EPM2A: variants seen among roughly 807,000 people sequenced by gnomAD.
EPM2A encodes laforin.
A neutral mutation model predicts 26.5 loss-of-function variants in EPM2A; 21 were observed. The observed-to-expected ratio is 0.79, with a 90% CI of 0.56 to 1.14. The LOEUF is 1.14. Among genes scored for constraint, EPM2A ranks in the 50% most tolerant of loss-of-function variants. EPM2A has a pLI of 0.00. For missense variants in EPM2A, 458 were observed against 440.8 expected (o/e 1.04, Z -0.35); for synonymous variants, 217 against 177.6 (o/e 1.22, Z -1.76).
At chr6:145,675,350 A>G (rs1779954450) in intron 2 of EPM2A, among the ~76,000 whole-genome samples, 1 of 152,240 alleles carries the variant, frequency 6.6e-6, no homozygotes, top group African/African-American at 2.4e-5. Context: ...AGTAAAGACC[A>G]TCGATGCTAT....
chr6:145,465,768 T>A (rs982700098), intron 4 of EPM2A, among the ~76,000 whole-genome samples: 5 of 152,124 alleles, frequency 3.3e-5, no homozygotes, highest in African/African-American at 4.8e-5. Context: ...CAAAACAGCA[T>A]GGTACTGGTA....
intron 2 of EPM2A, among the ~76,000 whole-genome samples, chr6:145,603,349 A>T (rs150056835): frequency 4.6e-5 from 7 of 150,882 alleles, no homozygotes; most frequent in Admixed American, 4.6e-4. Flanking sequence ...AAGTAATTGG[A>T]TGAGAAGTTA....
At chr6:145,492,404 A>G (rs1779767151) in intron 4 of EPM2A, among the ~76,000 whole-genome samples, 1 of 151,940 alleles carries the variant, frequency 6.6e-6, no homozygotes. Context: ...GGCATGTGTT[A>G]TAGTGCTCTT....
rs1316554998 is a variant in EPM2A at position 145,664,048 on chromosome 6, C to T, written c.476+22074G>A. Among the ~76,000 whole-genome samples, 3 of 81,928 alleles carry T rather than the reference C, an allele frequency of 3.7e-5. 1 individual carries two copies. The highest frequency in any genetic ancestry group is 4.7e-5 in the Non-Finnish European group (2 of 42,742). 53.7% of individuals were successfully genotyped at this position (81,928 alleles called of 152,430 possible). The stretch of plus-strand genomic sequence containing the variant: ...ATCGAAAGGAAAAACCGGTACCAGC[C>T]GCTGCAAAATCATGCCAAAATGTAA... On this transcript the variant is annotated intron_variant, in intron 2 of 3. Coordinates refer to ENST00000367519, the MANE Select transcript of EPM2A (RefSeq NM_005670.4).
In EPM2A at chr6:145,686,192, T is replaced by C. The variant is rs746523076; in HGVS notation, c.406A>G (p.Thr136Ala). Residue 136 changes from threonine to alanine, a missense_variant, in exon 2 of 4, where the codon ACC (threonine) becomes GCC (alanine). Thr to Ala is a moderately conservative substitution (Grantham distance 58). Transcript: ENST00000367519. ...TCTGTTGTGTGCTTCATTTCATTGG[T>C]GTGCCCAGTGGCCTCAATCCAGTGT... Reference protein sequence around the residue: ...IGHWIEATGHTNEMKHTTDFY... With the variant: ...IGHWIEATGHANEMKHTTDFY... 2.5e-6 allele frequency: 4 copies of C among 1,613,944 alleles called. No individual in the cohort carries two copies. Among genetic ancestry groups the C allele is most frequent in the East Asian group, 2.2e-5 (1 of 44,870 alleles).
At chr6:145,695,980 T>C (rs1781550584) in intron 1 of EPM2A, among the ~76,000 whole-genome samples, 1 of 152,020 alleles carries the variant, frequency 6.6e-6, no homozygotes, top group Non-Finnish European at 1.5e-5. Flanking sequence ...TACACATTCT[T>C]CCCAAATATA....
At chr6:145,716,792 A>G (rs1775651913) in intron 1 of EPM2A, among the ~76,000 whole-genome samples, 1 of 152,102 alleles carries the variant, frequency 6.6e-6, no homozygotes, top group Non-Finnish European at 1.5e-5. Context: ...ATTTTAATAA[A>G]ATCAGCCTTT....
At chr6:145,693,938 A>C (rs1341397345) in intron 1 of EPM2A, among the ~76,000 whole-genome samples, 1 of 151,974 alleles carries the variant, frequency 6.6e-6, no homozygotes, top group African/African-American at 2.4e-5. Flanking sequence ...AATTAAAGCC[A>C]CAGAAATAAG....
intron 4 of EPM2A, among the ~76,000 whole-genome samples, chr6:145,441,165 C>T (rs935698774): frequency 6.6e-6 from 1 of 152,182 alleles, no homozygotes; most frequent in Admixed American, 6.5e-5. Context: ...TTTCATGCAC[C>T]CACAGGCTCA....
chr6:145,422,968 G>A (rs1036759871), intron 4 of EPM2A, among the ~76,000 whole-genome samples: 1 of 151,514 alleles, frequency 6.6e-6, no homozygotes, highest in Non-Finnish European at 1.5e-5. Context: ...ATATATATTT[G>A]TCATATATTG....
intron 1 of EPM2A, among the ~76,000 whole-genome samples, chr6:145,693,214 T>C (rs1324410550): frequency 6.6e-6 from 1 of 152,058 alleles, no homozygotes; most frequent in Non-Finnish European, 1.5e-5. Context: ...GCTCTCAGCT[T>C]GGATGCTGTT....
chr6:145,698,223 A>C (rs1296724968), intron 1 of EPM2A, among the ~76,000 whole-genome samples: 1 of 152,218 alleles, frequency 6.6e-6, no homozygotes, highest in Non-Finnish European at 1.5e-5. Flanking sequence ...TTATGAGAAC[A>C]TAGACAAAGG....
chr6:145,707,225 A>G (rs1259495008), intron 1 of EPM2A, among the ~76,000 whole-genome samples: 2 of 152,228 alleles, frequency 1.3e-5, no homozygotes, highest in South Asian at 2.1e-4. Flanking sequence ...ACCAAAGTCA[A>G]TGTAGTGAAT....
chr6:145,514,181 T>C (rs1780093768), intron 2 of EPM2A, among the ~76,000 whole-genome samples: 1 of 152,216 alleles, frequency 6.6e-6, no homozygotes, highest in Admixed American at 6.5e-5. Flanking sequence ...GGATATTTGA[T>C]GAGAATGGAA....
chr6:145,495,283 T>C (rs388728), intron 4 of EPM2A, among the ~76,000 whole-genome samples: 67,818 of 151,192 alleles, frequency 0.45, 15,260 homozygotes, highest in South Asian at 0.58. Context: ...GTCTGTTTTG[T>C]CAAAAACTGG....
At chr6:145,562,909 G>A (rs1040162772) in intron 2 of EPM2A, among the ~76,000 whole-genome samples, 1 of 151,322 alleles carries the variant, frequency 6.6e-6, no homozygotes, top group Non-Finnish European at 1.5e-5. Flanking sequence ...GCCTGTCTGA[G>A]GGGGTGTGTC....
intron 1 of EPM2A, among the ~76,000 whole-genome samples, chr6:145,710,316 C>T (rs962256129): frequency 1.1e-4 from 16 of 151,948 alleles, no homozygotes; most frequent in African/African-American, 2.4e-4. Context: ...CGAAGGATAT[C>T]GACAGACACT....
chr6:145,519,730 G>A (rs141462816), intron 2 of EPM2A, among the ~76,000 whole-genome samples: 42 of 152,174 alleles, frequency 2.8e-4, no homozygotes, highest in Non-Finnish European at 4.7e-4. Context: ...TGTAAAACTC[G>A]CAAAGGAATA....
intron 2 of EPM2A, among the ~76,000 whole-genome samples, chr6:145,564,827 C>T (rs964243205): frequency 3.3e-5 from 5 of 151,820 alleles, no homozygotes; most frequent in African/African-American, 1.2e-4. Context: ...TAGACACTGA[C>T]ATAAACTAAC....
Sources: gnomAD v4.1 joint callset for allele counts (sites outside exome capture counted in the v4.1 genomes callset) on GRCh38, gnomAD v4.1.1 for gene constraint, MANE v1.5 for transcripts, NCBI Gene and HGNC (gene_info 2026-07-23, HGNC 2026-07-21) for gene names.